Variants in NR3C2 observed in about 807,000 individuals in gnomAD.
NR3C2 encodes nuclear receptor subfamily 3 group C member 2.
NR3C2 carries 15 observed loss-of-function variants against 86.4 expected under a neutral mutation model. The ratio of observed to expected loss-of-function variants is 0.17; its 90% CI spans 0.12 to 0.27. The LOEUF (loss-of-function observed/expected upper bound fraction) is 0.27. Among genes scored for constraint, NR3C2 ranks in the 10% least tolerant of loss-of-function variants. The pLI is 1.00. For missense variants in NR3C2, 960 were observed against 1,195.6 expected, an observed-to-expected ratio of 0.80 and a Z score of 2.91; for synonymous variants, 458 against 450.5, an observed-to-expected ratio of 1.02 and a Z score of -0.21.
chr4:148,159,673 C>A (rs1001742785), intron 4 of NR3C2, among the ~76,000 whole-genome samples: 4 of 152,226 alleles, frequency 2.6e-5, no homozygotes, highest in Admixed American at 6.5e-5. Context: ...CACGCAGTCT[C>A]TCTTCTAAAC....
Position 148,079,661 on chromosome 4 carries a change from C to T in NR3C2, c.*1683G>A, listed in dbSNP as rs1224389578. The T allele has an allele frequency of 6.6e-6, 1 of 152,370 alleles. No homozygotes were observed. Among genetic ancestry groups the T allele is most frequent in the African/African-American group, 2.4e-5 (1 of 41,180 alleles). The allele number at this position is 152,370 out of a possible 1,614,324, so 9.4% of individuals were successfully genotyped here. On this transcript the variant is annotated 3_prime_UTR_variant, in exon 9 of 9. Coordinates refer to ENST00000358102, the MANE Select transcript of NR3C2 (RefSeq NM_000901.5). Reference sequence around the variant, plus strand: ...GGGGCAAGAGAAAAGCCATACATTGCATCAGTGCCAAACAAACAGATTAAT... The same window carrying T: ...GGGGCAAGAGAAAAGCCATACATTGTATCAGTGCCAAACAAACAGATTAAT...
At chr4:148,174,861 G>A (rs534223535) in intron 4 of NR3C2, among the ~76,000 whole-genome samples, 3 of 152,214 alleles carry the variant, frequency 2.0e-5, no homozygotes, top group African/African-American at 4.8e-5. Flanking sequence ...CCTCTCCAAC[G>A]ATATCGGACC....
rs1733551927 is a variant in NR3C2, at chr4:148,140,393, G to C, written c.2510+12076C>G. ...CTAAAAAATACGAAGAAATTAGCCA[G>C]TTTGGTGGCACGTGCCTGTAGTTCC... On this transcript the variant is annotated intron_variant, in intron 6 of 8. Transcript: ENST00000358102. 2.6e-5 allele frequency among the ~76,000 whole-genome samples: 4 copies of C among 152,146 alleles called. 1 individual carries two copies. In the South Asian group the frequency reaches 8.3e-4, roughly 32 times the overall value.
chr4:148,332,077 G>A (rs1744258214), intron 2 of NR3C2, among the ~76,000 whole-genome samples: 1 of 152,080 alleles, frequency 6.6e-6, no homozygotes, highest in African/African-American at 2.4e-5. Flanking sequence ...CTTGAAAATA[G>A]TATTAATACA....
intron 4 of NR3C2, among the ~76,000 whole-genome samples, chr4:148,175,360 G>A (rs1431002482): frequency 6.6e-6 from 1 of 152,138 alleles, no homozygotes; most frequent in Non-Finnish European, 1.5e-5. Context: ...TACTGTGTGA[G>A]AATCTCTAGG....
chr4:148,345,269 A>T (rs941904588), intron 2 of NR3C2, among the ~76,000 whole-genome samples: 2 of 152,072 alleles, frequency 1.3e-5, no homozygotes, highest in Non-Finnish European at 2.9e-5. Context: ...TTTCAGAGAG[A>T]GACAATACAT....
chr4:148,234,006 C>T (rs1738603280), intron 3 of NR3C2, among the ~76,000 whole-genome samples: 1 of 152,064 alleles, frequency 6.6e-6, no homozygotes, highest in Non-Finnish European at 1.5e-5. Context: ...GCAATAACTG[C>T]AAGGCACAAT....
chr4:148,296,901 CT>C (rs1742079684), intron 2 of NR3C2, among the ~76,000 whole-genome samples: 2 of 152,154 alleles, frequency 1.3e-5, no homozygotes, highest in Admixed American at 6.5e-5. Flanking sequence ...AAAACACTTT[CT>C]TTGTTTTACA....
chr4:148,292,585 T>C (rs138519670), intron 2 of NR3C2, among the ~76,000 whole-genome samples: 1 of 152,280 alleles, frequency 6.6e-6, no homozygotes, highest in African/African-American at 2.4e-5. Flanking sequence ...TTAGTCCCTA[T>C]CTGACCATCA....
intron 2 of NR3C2, among the ~76,000 whole-genome samples, chr4:148,277,248 CT>C: frequency 6.6e-6 from 1 of 152,128 alleles, no homozygotes; most frequent in African/African-American, 2.4e-5. Flanking sequence ...AAGTCTGTTA[CT>C]TTGCAATATT....
At chr4:148,163,360 C>G (rs956463435) in intron 4 of NR3C2, among the ~76,000 whole-genome samples, 6 of 152,172 alleles carry the variant, frequency 3.9e-5, no homozygotes, top group African/African-American at 1.4e-4. Flanking sequence ...GATGTACATT[C>G]CTGACTTAAC....
chr4:148,308,295 T>C (rs1307757057), intron 2 of NR3C2, among the ~76,000 whole-genome samples: 5 of 152,312 alleles, frequency 3.3e-5, no homozygotes, highest in East Asian at 3.9e-4. Context: ...TTACGTATTA[T>C]GGAGGAAAAT....
chr4:148,433,259 A>T (rs2126645069), intron 2 of NR3C2, among the ~76,000 whole-genome samples: 1 of 152,304 alleles, frequency 6.6e-6, no homozygotes, highest in Non-Finnish European at 1.5e-5. Context: ...CATCTGTAAT[A>T]TTTCTACCAG....
chr4:148,376,899 A>G (rs1746706704), intron 2 of NR3C2, among the ~76,000 whole-genome samples: 1 of 152,198 alleles, frequency 6.6e-6, no homozygotes, highest in African/African-American at 2.4e-5. Context: ...CAACAACAAA[A>G]ACTCTTTTTC....
At chr4:148,444,770 C>A (rs992339104), upstream of NR3C2, 8 of 984,824 alleles carry the variant, frequency 8.1e-6, no homozygotes, top group Admixed American at 1.8e-4. Context: ...GGGCACCCGC[C>A]CGCCCCCAGC....
Position 148,436,135 on chromosome 4 carries a change from T to G in NR3C2, c.726A>C (p.Glu242Asp). The G allele has an allele frequency of 6.2e-7, 1 of 1,614,164 alleles. No homozygotes were observed. Residue 242 changes from glutamate to aspartate, a missense_variant, in exon 2 of 9, where the codon GAA (glutamate) becomes GAC (aspartate). Transcript: ENST00000358102. The stretch of plus-strand genomic sequence containing the variant: ...GGCTGTGCGACCTGGAGCCTCGATT[T>G]TCAACATTAGGGGAGCATGTCAGAG... ...GTPLTCSPNV[E>D]NRGSRSHSPA...
Position 148,228,331 on chromosome 4 carries a change from G to A in NR3C2, c.1897+31647C>T, listed in dbSNP as rs7692281. ...TTGCTTTTTCCAGTGACAGTACATC[G>A]TCCATATCAACTCAGAGAAACCTTT... On this transcript the variant is annotated intron_variant, in intron 3 of 8. Transcript: ENST00000358102. 8.6e-3 allele frequency among the ~76,000 whole-genome samples: 1,312 copies of A among 151,894 alleles called. 16 individuals are homozygous for A. The highest frequency in any genetic ancestry group is 0.029 in the African/African-American group (1,218 of 41,426).
chr4:148,436,084 A>G lies in NR3C2; in HGVS notation c.777T>C (p.Ser259=). 1 of 1,614,164 alleles carries G rather than the reference A, an allele frequency of 6.2e-7. No individual in the cohort carries two copies. The highest frequency in any genetic ancestry group is 1.1e-5 in the South Asian group (1 of 91,084). ...HSPAHASNVG[S]PLSSPLSSMK... Reference sequence around the variant, plus strand: ...TGCTACTTAACGGACTTGAGAGAGGAGAGCCCACATTGCTAGCATGTGCAG... The same window carrying G: ...TGCTACTTAACGGACTTGAGAGAGGGGAGCCCACATTGCTAGCATGTGCAG... Residue 259 remains serine (S), a synonymous_variant, in exon 2 of 9, where the codon TCT becomes TCC. Coordinates refer to ENST00000358102, the MANE Select transcript of NR3C2 (RefSeq NM_000901.5).
intron 2 of NR3C2, among the ~76,000 whole-genome samples, chr4:148,267,575 G>A (rs1740461577): frequency 2.6e-5 from 4 of 152,160 alleles, no homozygotes; most frequent in Non-Finnish European, 4.4e-5. Flanking sequence ...TACCACAATA[G>A]CCATATTGTT....
Sources: gnomAD v4.1 joint callset for allele counts (sites outside exome capture counted in the v4.1 genomes callset) on GRCh38, gnomAD v4.1.1 for gene constraint, MANE v1.5 for transcripts, NCBI Gene and HGNC (gene_info 2026-07-23, HGNC 2026-07-21) for gene names.